Variants in TENM4 observed in about 807,000 individuals in gnomAD.
TENM4 encodes teneurin transmembrane protein 4.
Under a neutral mutation model 243.3 loss-of-function variants are expected in TENM4, and 82 were observed. That is an observed-to-expected ratio of 0.34 (90% CI 0.28 to 0.40). The LOEUF (loss-of-function observed/expected upper bound fraction) is 0.40, where lower values mean the gene tolerates loss of function less well. TENM4 is among the 10% of genes least tolerant of loss of function. The pLI, the probability that TENM4 is intolerant of heterozygous loss-of-function variation, is 1.00. For missense variants in TENM4, 3,138 were observed against 3,673.3 expected (o/e 0.85, Z 3.77); for synonymous variants, 1,412 against 1,456.3 (o/e 0.97, Z 0.69).
At chr11:79,228,810 C>T (rs1448565075) in intron 2 of TENM4, among the ~76,000 whole-genome samples, 4 of 152,270 alleles carry the variant, frequency 2.6e-5, no homozygotes, top group Admixed American at 2.0e-4. Context: ...ACCTAGTTTT[C>T]CCCATATTAA....
chr11:79,232,604 T>A (rs1437180589), intron 2 of TENM4, among the ~76,000 whole-genome samples: 1 of 152,114 alleles, frequency 6.6e-6, no homozygotes, highest in Non-Finnish European at 1.5e-5. Flanking sequence ...CCAAAACAAT[T>A]CGCCATCCAC....
chr11:78,868,377 A>T (rs7112586), intron 9 of TENM4, among the ~76,000 whole-genome samples: 3 of 152,078 alleles, frequency 2.0e-5, no homozygotes, highest in African/African-American at 7.3e-5. Flanking sequence ...AAAAGATGCT[A>T]AGGAGTTCAG....
intron 23 of TENM4, among the ~76,000 whole-genome samples, chr11:78,725,786 C>T (rs899906093): frequency 2.6e-5 from 4 of 152,208 alleles, no homozygotes; most frequent in Non-Finnish European, 4.4e-5. Context: ...TTCATAGTGC[C>T]CTGTGCCTCC....
intron 1 of TENM4, among the ~76,000 whole-genome samples, chr11:79,409,111 C>T (rs201103507): frequency 2.1e-4 from 27 of 128,440 alleles, no homozygotes; most frequent in South Asian, 7.5e-4. Flanking sequence ...TGCGCGCGCG[C>T]GCGTGCGTGC....
At chr11:78,857,736 C>A (rs958072989) in intron 10 of TENM4, among the ~76,000 whole-genome samples, 1 of 152,160 alleles carries the variant, frequency 6.6e-6, no homozygotes, top group Admixed American at 6.5e-5. Context: ...AATATAGATA[C>A]AAAAACCACC....
intron 2 of TENM4, among the ~76,000 whole-genome samples, chr11:79,249,129 C>T (rs976278521): frequency 6.6e-6 from 1 of 152,114 alleles, no homozygotes; most frequent in Non-Finnish European, 1.5e-5. Context: ...TGAGTGCTTA[C>T]AATAAAAAAT....
At chr11:79,274,585 C>T (rs1199132737) in intron 2 of TENM4, among the ~76,000 whole-genome samples, 2 of 152,272 alleles carry the variant, frequency 1.3e-5, no homozygotes, top group African/African-American at 4.8e-5. Context: ...AGGCAGGGCT[C>T]ACCAGGCCAC....
chr11:79,216,403 C>T (rs1590801627), intron 2 of TENM4, among the ~76,000 whole-genome samples: 2 of 152,198 alleles, frequency 1.3e-5, no homozygotes, highest in Non-Finnish European at 2.9e-5. Flanking sequence ...CAGTGGCCCC[C>T]GTTAACAGTT....
Position 79,129,580 on chromosome 11 carries a change from A to T in TENM4, c.-66+19130T>A, listed in dbSNP as rs1179034959. ...GAGTGAGACTGGCCCTTGGGTTTGC[A>T]TGGGAGCTGGGTGAGGCCTGTGATT... On this transcript the variant is annotated intron_variant, in intron 4 of 33. Transcript: ENST00000278550. Among the ~76,000 whole-genome samples the T allele has an allele frequency of 2.0e-5, 3 of 152,178 alleles. No individual in the cohort carries two copies. The East Asian group carries it at 5.8e-4, about 29-fold the overall frequency.
chr11:78,933,284 G>T (rs902997164), intron 6 of TENM4, among the ~76,000 whole-genome samples: 2 of 152,058 alleles, frequency 1.3e-5, no homozygotes, highest in African/African-American at 4.8e-5. Flanking sequence ...ATAATATAAA[G>T]GGCTTCACAG....
intron 6 of TENM4, among the ~76,000 whole-genome samples, chr11:78,994,421 GC>G (rs1858121302): frequency 6.6e-6 from 1 of 152,130 alleles, no homozygotes; most frequent in African/African-American, 2.4e-5. Context: ...TTTGTCAATG[GC>G]CCTAAACTAG....
At chr11:79,216,577 C>A (rs1203186924) in intron 2 of TENM4, among the ~76,000 whole-genome samples, 1 of 152,198 alleles carries the variant, frequency 6.6e-6, no homozygotes, top group East Asian at 1.9e-4. Flanking sequence ...TGTGATGGCT[C>A]TGCCTTGATG....
At chr11:79,032,335 A>T (rs1859265085) in intron 6 of TENM4, among the ~76,000 whole-genome samples, 2 of 152,088 alleles carry the variant, frequency 1.3e-5, no homozygotes, top group East Asian at 3.9e-4. Context: ...GTAGACCTCG[A>T]AGGGTCCATA....
rs558919893 is a variant in TENM4 at position 78,788,888 on chromosome 11, A to G, written c.2180-1805T>C. Among the ~76,000 whole-genome samples the G allele has an allele frequency of 2.4e-4, 37 of 152,308 alleles. 1 individual carries two copies. The South Asian group carries it at 7.7e-3, about 32-fold the overall frequency. On this transcript the variant is annotated intron_variant, in intron 15 of 33. Transcript: ENST00000278550. Reference sequence around the variant, plus strand: ...CTGTAAGAATGTGGGATTCTATGACAGAGCACCCTCCCTGTTAGACAGTGT... The same window carrying G: ...CTGTAAGAATGTGGGATTCTATGACGGAGCACCCTCCCTGTTAGACAGTGT...
chr11:79,271,455 A>G (rs540043201), intron 2 of TENM4, among the ~76,000 whole-genome samples: 1 of 152,258 alleles, frequency 6.6e-6, no homozygotes, highest in Admixed American at 6.5e-5. Flanking sequence ...TCCATAAGAG[A>G]CCATGGCCCC....
chr11:78,772,034 C>A (rs1856655940), intron 17 of TENM4, among the ~76,000 whole-genome samples: 1 of 152,088 alleles, frequency 6.6e-6, no homozygotes, highest in Non-Finnish European at 1.5e-5. Context: ...CTGCTAAATG[C>A]CCTAAAGGAG....
chr11:79,128,238 C>G (rs984562319), intron 4 of TENM4, among the ~76,000 whole-genome samples: 10 of 152,198 alleles, frequency 6.6e-5, no homozygotes, highest in African/African-American at 2.4e-4. Context: ...GATAACTACT[C>G]TCCTTTTGAG....
chr11:79,175,249 A>G (rs1252775281), intron 3 of TENM4, among the ~76,000 whole-genome samples: 6 of 152,078 alleles, frequency 3.9e-5, no homozygotes, highest in African/African-American at 1.4e-4. Context: ...ATTCTAAAAA[A>G]TATCCCAAGC....
chr11:79,434,685 C>T (rs550245465), intron 1 of TENM4, among the ~76,000 whole-genome samples: 3 of 152,156 alleles, frequency 2.0e-5, no homozygotes, highest in Non-Finnish European at 4.4e-5. Context: ...CTTCTTCTAC[C>T]ACCTGGGCTT....
Sources: gnomAD v4.1 joint callset for allele counts (sites outside exome capture counted in the v4.1 genomes callset) on GRCh38, gnomAD v4.1.1 for gene constraint, MANE v1.5 for transcripts, NCBI Gene and HGNC (gene_info 2026-07-23, HGNC 2026-07-21) for gene names.